Variants in IGF1R observed in about 807,000 individuals in gnomAD.
The protein encoded by IGF1R is insulin-like growth factor 1 receptor.
IGF1R carries 44 observed loss-of-function variants against 144.6 expected under a neutral mutation model. That is an observed-to-expected ratio of 0.30 (90% CI 0.24 to 0.39). IGF1R has a LOEUF of 0.39. Ranked by LOEUF, IGF1R falls within the 10% of genes least tolerant of loss-of-function variation. The pLI is 1.00. For synonymous variants in IGF1R, 795 were observed against 722.8 expected (o/e 1.10, Z -1.60); for missense variants, 1,355 against 1,833.7 (o/e 0.74, Z 4.77).
At chr15:98,886,421 C>G (rs1392647300) in intron 2 of IGF1R, among the ~76,000 whole-genome samples, 6 of 152,076 alleles carry the variant, frequency 3.9e-5, no homozygotes, top group African/African-American at 1.4e-4. Context: ...TTTAGATGGG[C>G]CTTTGTTTTT....
chr15:98,712,183 C>T (rs2054008507), intron 2 of IGF1R, among the ~76,000 whole-genome samples: 1 of 152,148 alleles, frequency 6.6e-6, no homozygotes, highest in South Asian at 2.1e-4. Flanking sequence ...ACTGCATTGC[C>T]TCCTGTCTCC....
At chr15:98,733,888 T>C (rs2054553481) in intron 2 of IGF1R, among the ~76,000 whole-genome samples, 1 of 152,104 alleles carries the variant, frequency 6.6e-6, no homozygotes, top group South Asian at 2.1e-4. Context: ...GTCTTATATC[T>C]AGATAATTTA....
At chr15:98,853,223 G>T (rs1402366095) in intron 2 of IGF1R, among the ~76,000 whole-genome samples, 1 of 152,180 alleles carries the variant, frequency 6.6e-6, no homozygotes, top group Non-Finnish European at 1.5e-5. Flanking sequence ...AAAGAAGGGG[G>T]GCAGTATTGT....
chr15:98,834,480 C>G (rs991002516), intron 2 of IGF1R, among the ~76,000 whole-genome samples: 1 of 152,230 alleles, frequency 6.6e-6, no homozygotes, highest in African/African-American at 2.4e-5. Context: ...TTCACACTTA[C>G]TTCTGTTTTA....
intron 2 of IGF1R, among the ~76,000 whole-genome samples, chr15:98,874,164 G>A (rs1047107253): frequency 6.6e-6 from 1 of 152,168 alleles, no homozygotes; most frequent in African/African-American, 2.4e-5. Context: ...GCCCGGCAGA[G>A]CTCTTGCATG....
chr15:98,932,712 C>G (rs999822798), intron 15 of IGF1R, among the ~76,000 whole-genome samples: 2 of 152,200 alleles, frequency 1.3e-5, no homozygotes, highest in African/African-American at 2.4e-5. Context: ...CATACTTACT[C>G]TCCTCTGACA....
At chr15:98,794,063 A>G (rs887590278) in intron 2 of IGF1R, among the ~76,000 whole-genome samples, 8 of 152,216 alleles carry the variant, frequency 5.3e-5, no homozygotes, top group Non-Finnish European at 7.3e-5. Context: ...CTCCCTAGAA[A>G]GGAAATGTTG....
intron 4 of IGF1R, among the ~76,000 whole-genome samples, chr15:98,898,064 A>C (rs1464431): frequency 1 from 151,894 of 152,306 alleles, 75,743 homozygotes; most frequent in Middle Eastern, 1. Flanking sequence ...CTTCTGAATT[A>C]GTTGATATCC....
At chr15:98,934,420 G>A (rs543770843) in intron 15 of IGF1R, among the ~76,000 whole-genome samples, 2 of 152,226 alleles carry the variant, frequency 1.3e-5, no homozygotes, top group African/African-American at 4.8e-5. Context: ...TGGTGAAGAT[G>A]GGTAAAATCC....
intron 2 of IGF1R, among the ~76,000 whole-genome samples, chr15:98,853,510 G>A (rs557393608): frequency 2.0e-5 from 3 of 152,102 alleles, no homozygotes; most frequent in East Asian, 3.9e-4. Flanking sequence ...TTTAGAAGTC[G>A]GTATTCTAAA....
At chr15:98,856,104 C>CT (rs1405225179) in intron 2 of IGF1R, among the ~76,000 whole-genome samples, 2 of 152,206 alleles carry the variant, frequency 1.3e-5, no homozygotes, top group Admixed American at 1.3e-4. Context: ...TTCTCCAAGT[C>CT]TGAGTAGCCT....
chr15:98,868,632 C>T (rs1332701196), intron 2 of IGF1R, among the ~76,000 whole-genome samples: 2 of 152,130 alleles, frequency 1.3e-5, no homozygotes, highest in African/African-American at 4.8e-5. Flanking sequence ...GTTGGAATTC[C>T]AGCTCTGCCT....
intron 2 of IGF1R, among the ~76,000 whole-genome samples, chr15:98,864,754 T>C (rs2012337479): frequency 6.6e-6 from 1 of 152,234 alleles, no homozygotes; most frequent in African/African-American, 2.4e-5. Flanking sequence ...TTTTACTCTA[T>C]GTGGTCTTTT....
chr15:98,723,436 G>A (rs771842298), intron 2 of IGF1R, among the ~76,000 whole-genome samples: 10 of 152,188 alleles, frequency 6.6e-5, no homozygotes, highest in Non-Finnish European at 1.5e-4. Flanking sequence ...AAGATCTGCC[G>A]AAACAAATAA....
intron 20 of IGF1R, among the ~76,000 whole-genome samples, chr15:98,950,966 G>T (rs570625597): frequency 6.6e-4 from 100 of 152,340 alleles, no homozygotes; most frequent in Middle Eastern, 3.4e-3. Context: ...TGGCCGGCCA[G>T]CGGAGGGCAT....
At chr15:98,949,269 A>G (rs2016679346) in intron 20 of IGF1R, among the ~76,000 whole-genome samples, 3 of 152,062 alleles carry the variant, frequency 2.0e-5, no homozygotes, top group Non-Finnish European at 4.4e-5. Flanking sequence ...TCTAAGTAAC[A>G]TGCTCTCCGG....
intron 1 of IGF1R, among the ~76,000 whole-genome samples, chr15:98,695,504 A>G (rs1380178763): frequency 6.6e-6 from 1 of 152,180 alleles, no homozygotes; most frequent in African/African-American, 2.4e-5. Context: ...ATCTCAATTT[A>G]AGCCCCAGCT....
chr15:98,936,340 C>G lies in IGF1R; in HGVS notation c.3297+914C>G, dbSNP rs528132375. Among the ~76,000 whole-genome samples the G allele has an allele frequency of 2.0e-4, 30 of 152,352 alleles. No individual in the cohort carries two copies. In the South Asian group the frequency reaches 6.0e-3, roughly 30 times the overall value. ...ATTAAAAGTCACCGTGGTGTCTCCC[C>G]CCTCTGTAGTATTAACCCACAGGCC... On this transcript the variant is annotated intron_variant, in intron 17 of 20. Coordinates refer to ENST00000650285, the MANE Select transcript of IGF1R (RefSeq NM_000875.5).
chr15:98,957,394 C>T lies in IGF1R; in HGVS notation c.4056C>T (p.Gly1352=). The stretch of plus-strand genomic sequence containing the variant: ...AGCCTTACGCCCACATGAACGGGGG[C>T]CGCAAGAACGAGCGGGCCTTGCCGC... The part of the protein sequence containing the change: ...ERQPYAHMNG[G]RKNERALPLP... Residue 1352 remains glycine (G), a synonymous_variant, in exon 21 of 21, where the codon GGC becomes GGT. Coordinates refer to ENST00000650285, the MANE Select transcript of IGF1R (RefSeq NM_000875.5). 1 of 1,613,294 alleles carries T rather than the reference C, an allele frequency of 6.2e-7. No individual in the cohort carries two copies. Among genetic ancestry groups the T allele is most frequent in the Admixed American group, 1.7e-5 (1 of 60,032 alleles).
Sources: gnomAD v4.1 joint callset for allele counts (sites outside exome capture counted in the v4.1 genomes callset) on GRCh38, gnomAD v4.1.1 for gene constraint, MANE v1.5 for transcripts, NCBI Gene and HGNC (gene_info 2026-07-23, HGNC 2026-07-21) for gene names.